Variants in HHAT observed in about 807,000 individuals in gnomAD.
HHAT encodes the protein protein-cysteine N-palmitoyltransferase HHAT.
HHAT carries 47 observed loss-of-function variants against 70.8 expected under a neutral mutation model. The observed-to-expected ratio is 0.66, with a 90% confidence interval of 0.53 to 0.85. HHAT has a LOEUF of 0.85. Ranked by LOEUF, HHAT falls within the 40% of genes least tolerant of loss-of-function variation. The pLI is 0.00. For synonymous variants in HHAT, 228 were observed against 247.6 expected, an observed-to-expected ratio of 0.92 and a Z score of 0.74; for missense variants, 609 against 604.8, an observed-to-expected ratio of 1.01 and a Z score of -0.07.
chr1:210,603,330 C>T (rs565420219), intron 10 of HHAT, among the ~76,000 whole-genome samples: 3 of 144,876 alleles, frequency 2.1e-5, no homozygotes, highest in Non-Finnish European at 3.1e-5. Context: ...GAGTTTGATT[C>T]TTTATCTGTG....
At chr1:210,428,332 ATATATATAT>A (rs2093138299) in intron 7 of HHAT, among the ~76,000 whole-genome samples, 1 of 54,922 alleles carries the variant, frequency 1.8e-5, no homozygotes, top group Admixed American at 2.2e-4. Context: ...ATATATATAT[ATATATATAT>A]ATATAATTTT....
At chr1:210,357,684 G>C (rs1260428737) in intron 2 of HHAT, among the ~76,000 whole-genome samples, 3 of 152,314 alleles carry the variant, frequency 2.0e-5, no homozygotes, top group East Asian at 3.9e-4. Flanking sequence ...GCCGGGTGTG[G>C]TGGCGGGCGC....
At chr1:210,571,339 C>T (rs1175321237) in intron 9 of HHAT, among the ~76,000 whole-genome samples, 2 of 152,174 alleles carry the variant, frequency 1.3e-5, no homozygotes, top group Admixed American at 1.3e-4. Flanking sequence ...GCTTGGAGGG[C>T]ATCTCTTTGT....
intron 1 of HHAT, among the ~76,000 whole-genome samples, chr1:210,337,475 C>A (rs1044922112): frequency 4.6e-5 from 7 of 152,124 alleles, no homozygotes; most frequent in Non-Finnish European, 8.8e-5. Flanking sequence ...CAAAATGGGT[C>A]AGCAGGGTTC....
intron 2 of HHAT, among the ~76,000 whole-genome samples, chr1:210,362,210 T>C (rs1313207074): frequency 6.6e-6 from 1 of 152,064 alleles, no homozygotes; most frequent in East Asian, 1.9e-4. Flanking sequence ...CACCATAGTT[T>C]TGTGGCATAG....
intron 8 of HHAT, among the ~76,000 whole-genome samples, chr1:210,492,561 T>C (rs1234754548): frequency 1.3e-5 from 2 of 152,000 alleles, no homozygotes; most frequent in Non-Finnish European, 2.9e-5. Flanking sequence ...GATTAAGAAA[T>C]AGGTCAAATA....
At chr1:210,564,699 C>T (rs1558171732) in intron 9 of HHAT, among the ~76,000 whole-genome samples, 1 of 151,962 alleles carries the variant, frequency 6.6e-6, no homozygotes, top group East Asian at 1.9e-4. Context: ...AAGTGGAGGG[C>T]ACTGTCAATG....
intron 9 of HHAT, among the ~76,000 whole-genome samples, chr1:210,535,305 G>A (rs929278887): frequency 3.3e-5 from 5 of 152,048 alleles, no homozygotes; most frequent in African/African-American, 1.2e-4. Context: ...TGTAGATTGG[G>A]TTAGATGATT....
intron 7 of HHAT, among the ~76,000 whole-genome samples, chr1:210,454,738 G>A (rs866086716): frequency 6.6e-6 from 1 of 152,174 alleles, no homozygotes; most frequent in African/African-American, 2.4e-5. Context: ...ATTCTACCTA[G>A]GTAAATTGTG....
At chr1:210,469,555 C>T (rs968885281) in intron 8 of HHAT, among the ~76,000 whole-genome samples, 11 of 152,240 alleles carry the variant, frequency 7.2e-5, no homozygotes, top group South Asian at 4.2e-4. Context: ...ACTGGATACA[C>T]GGCAGGCATG....
intron 7 of HHAT, among the ~76,000 whole-genome samples, chr1:210,425,496 T>G (rs995839192): frequency 1.3e-5 from 2 of 152,190 alleles, no homozygotes; most frequent in African/African-American, 4.8e-5. Context: ...ATGTCTTTAA[T>G]CGATCTTGGG....
intron 9 of HHAT, among the ~76,000 whole-genome samples, chr1:210,518,766 C>T (rs2095103591): frequency 6.6e-6 from 1 of 152,096 alleles, no homozygotes; most frequent in East Asian, 1.9e-4. Context: ...GCACTCCAGC[C>T]CTGGGTGACA....
intron 8 of HHAT, among the ~76,000 whole-genome samples, chr1:210,506,302 G>T (rs2094853137): frequency 6.6e-6 from 1 of 150,816 alleles, no homozygotes; most frequent in Non-Finnish European, 1.5e-5. Context: ...GCTGTGGGAG[G>T]GAGCATTCAT....
At chr1:210,565,177 C>A (rs1448826294) in intron 9 of HHAT, among the ~76,000 whole-genome samples, 1 of 152,070 alleles carries the variant, frequency 6.6e-6, no homozygotes, top group East Asian at 1.9e-4. Flanking sequence ...GGAGAAGGGA[C>A]AAATCGTGAA....
rs591781 is a variant in HHAT, at chr1:210,333,038, G to A, written c.-44+3934G>A. 5.6e-3 allele frequency among the ~76,000 whole-genome samples: 850 copies of A among 152,278 alleles called. 8 individuals carry two copies. The highest frequency in any genetic ancestry group is 0.019 in the African/African-American group (809 of 41,550). ...CACCTGGAAGTGGTAAATAATGGGC[G>A]GGCCATGAGTGGACTAAAATAAGTG... is the stretch of plus-strand genomic sequence containing the variant. On this transcript the variant is annotated intron_variant, in intron 1 of 11. Coordinates refer to ENST00000261458, the MANE Select transcript of HHAT (RefSeq NM_018194.6).
chr1:210,421,354 G>T (rs781716005), intron 7 of HHAT, among the ~76,000 whole-genome samples: 1 of 152,104 alleles, frequency 6.6e-6, no homozygotes, highest in South Asian at 2.1e-4. Context: ...AAAATCTGGT[G>T]GGTGTGAATT....
At chr1:210,545,619 T>C (rs1229705017) in intron 9 of HHAT, among the ~76,000 whole-genome samples, 4 of 152,042 alleles carry the variant, frequency 2.6e-5, no homozygotes, top group Non-Finnish European at 4.4e-5. Context: ...GTATTTTTTG[T>C]AGAGATGGGG....
chr1:210,390,569 A>C (rs914075164), intron 4 of HHAT, among the ~76,000 whole-genome samples: 2 of 152,094 alleles, frequency 1.3e-5, no homozygotes, highest in Non-Finnish European at 2.9e-5. Flanking sequence ...TAAATTCTTC[A>C]GTGGTGATTT....
chr1:210,431,974 T>A (rs1327049277), intron 7 of HHAT, among the ~76,000 whole-genome samples: 2 of 151,932 alleles, frequency 1.3e-5, no homozygotes, highest in African/African-American at 4.9e-5. Context: ...TTGAGGCTTA[T>A]GATTTGTAGA....
Sources: gnomAD v4.1 joint callset for allele counts (sites outside exome capture counted in the v4.1 genomes callset) on GRCh38, gnomAD v4.1.1 for gene constraint, MANE v1.5 for transcripts, NCBI Gene and HGNC (gene_info 2026-07-23, HGNC 2026-07-21) for gene names.